The following GPATCH2 variants were observed in gnomAD, a reference collection of about 807,000 sequenced individuals.
GPATCH2 encodes the protein G-patch domain containing 2.
In GPATCH2, 51 loss-of-function variants were observed where a neutral mutation model predicts 58.0. That is an observed-to-expected ratio of 0.88 (90% CI 0.70 to 1.11). The LOEUF is 1.11. Ranked by LOEUF, GPATCH2 falls within the 50% of genes most tolerant of loss-of-function variation. The pLI is 0.00. For missense variants in GPATCH2, 625 were observed against 652.2 expected, an observed-to-expected ratio of 0.96 and a Z score of 0.45; for synonymous variants, 222 against 218.5, an observed-to-expected ratio of 1.02 and a Z score of -0.14.
At chr1:217,521,193 T>A (rs993763296) in intron 5 of GPATCH2, among the ~76,000 whole-genome samples, 11 of 152,156 alleles carry the variant, frequency 7.2e-5, no homozygotes, top group African/African-American at 2.4e-4. Context: ...TCATAAACAA[T>A]GTGCCTAGAG....
At chr1:217,563,981 T>C (rs572203823) in intron 5 of GPATCH2, among the ~76,000 whole-genome samples, 4 of 128,408 alleles carry the variant, frequency 3.1e-5, no homozygotes, top group Non-Finnish European at 4.6e-5. Flanking sequence ...GAGGCGGAGA[T>C]AGTGGTGAGC....
chr1:217,614,067 A>C, intron 3 of GPATCH2, 74 bp downstream of exon 3: 1 of 841,012 alleles, frequency 1.2e-6, no homozygotes, highest in Non-Finnish European at 2.1e-6. Context: ...TCAACTTATG[A>C]AATAACCAGT....
intron 8 of GPATCH2, among the ~76,000 whole-genome samples, chr1:217,484,350 G>A (rs543537470): frequency 7.4e-4 from 112 of 151,900 alleles, no homozygotes; most frequent in Non-Finnish European, 1.2e-3. Flanking sequence ...TAAAAAATTG[G>A]CTTTTCTTGG....
At chr1:217,587,541 G>C (rs1032368465) in intron 5 of GPATCH2, among the ~76,000 whole-genome samples, 7 of 152,220 alleles carry the variant, frequency 4.6e-5, no homozygotes, top group Non-Finnish European at 1.5e-5. Context: ...ACCCAAACCA[G>C]GCCAATGAAC....
intron 8 of GPATCH2, among the ~76,000 whole-genome samples, chr1:217,455,629 T>C (rs566496010): frequency 1.3e-5 from 2 of 152,228 alleles, no homozygotes; most frequent in Admixed American, 1.3e-4. Flanking sequence ...GTTTATTGTG[T>C]TTCCTATGTG....
At chr1:217,590,267 C>T (rs1056569204) in intron 5 of GPATCH2, among the ~76,000 whole-genome samples, 7 of 152,078 alleles carry the variant, frequency 4.6e-5, no homozygotes, top group South Asian at 4.1e-4. Flanking sequence ...AGTGATCCAC[C>T]CGCCTCAGCC....
chr1:217,502,049 G>T (rs911321339), intron 6 of GPATCH2, among the ~76,000 whole-genome samples: 1 of 151,656 alleles, frequency 6.6e-6, no homozygotes, highest in African/African-American at 2.4e-5. Flanking sequence ...AGCTATTTTT[G>T]GGGGTCTCTA....
At chr1:217,468,568 GAA>G (rs1177622220) in intron 8 of GPATCH2, among the ~76,000 whole-genome samples, 3 of 149,098 alleles carry the variant, frequency 2.0e-5, no homozygotes, top group South Asian at 2.1e-4. Context: ...CACACAGAGA[GAA>G]AGAGAAAGAG....
intron 5 of GPATCH2, among the ~76,000 whole-genome samples, chr1:217,524,697 C>A (rs927286185): frequency 2.0e-5 from 3 of 151,036 alleles, no homozygotes; most frequent in Admixed American, 6.6e-5. Flanking sequence ...CGTCTCCACC[C>A]AAAAAATACG....
At chr1:217,614,227 C>G (rs1331406327) in intron 2 of GPATCH2, 25 bp from the exon 3 acceptor site, 13 of 1,416,164 alleles carry the variant, frequency 9.2e-6, no homozygotes, top group Non-Finnish European at 1.3e-5. Flanking sequence ...AAGAAAGAAA[C>G]AGATCAAAAG....
At chr1:217,597,536 TA>T (rs1055068146) in intron 5 of GPATCH2, among the ~76,000 whole-genome samples, 4 of 152,024 alleles carry the variant, frequency 2.6e-5, no homozygotes, top group African/African-American at 9.7e-5. Context: ...AATTCATGGA[TA>T]GTCTATTTTT....
At chr1:217,566,648 T>C (rs1297832807) in intron 5 of GPATCH2, among the ~76,000 whole-genome samples, 1 of 152,242 alleles carries the variant, frequency 6.6e-6, no homozygotes, top group Non-Finnish European at 1.5e-5. Flanking sequence ...TCCTTCATTA[T>C]TCTTCTAACC....
intron 8 of GPATCH2, among the ~76,000 whole-genome samples, chr1:217,451,859 T>C (rs897237118): frequency 1.3e-5 from 2 of 152,230 alleles, no homozygotes; most frequent in Admixed American, 1.3e-4. Flanking sequence ...TGATCCTCTG[T>C]TAAAACATAA....
chr1:217,492,071 A>G (rs1215802886), intron 7 of GPATCH2, among the ~76,000 whole-genome samples: 3 of 152,080 alleles, frequency 2.0e-5, no homozygotes, highest in Non-Finnish European at 2.9e-5. Context: ...TAGCCTGGAG[A>G]TGGAAGCCTA....
intron 5 of GPATCH2, among the ~76,000 whole-genome samples, chr1:217,550,089 A>G (rs760394584): frequency 9.2e-5 from 14 of 152,110 alleles, no homozygotes; most frequent in Non-Finnish European, 1.9e-4. Context: ...ATTTTATCCC[A>G]CAGAATATAA....
chr1:217,549,199 A>T (rs748515398), intron 5 of GPATCH2, among the ~76,000 whole-genome samples: 4 of 152,214 alleles, frequency 2.6e-5, no homozygotes, highest in Non-Finnish European at 4.4e-5. Flanking sequence ...CTGAGAACAT[A>T]TTATGGGTTA....
chr1:217,541,135 G>A (rs1041184504), intron 5 of GPATCH2, among the ~76,000 whole-genome samples: 1 of 152,134 alleles, frequency 6.6e-6, no homozygotes, highest in African/African-American at 2.4e-5. Flanking sequence ...GTTTGGTTAA[G>A]GTCCGTGAGC....
chr1:217,514,653 T>C (rs2102582067), intron 6 of GPATCH2, among the ~76,000 whole-genome samples, 169 bp downstream of exon 6: 1 of 152,376 alleles, frequency 6.6e-6, no homozygotes, highest in Admixed American at 6.5e-5. Context: ...ATTTAAATTT[T>C]GTCATGGTTT....
At chr1:217,530,967 C>T (rs1028274574) in intron 5 of GPATCH2, among the ~76,000 whole-genome samples, 2 of 151,860 alleles carry the variant, frequency 1.3e-5, no homozygotes, top group East Asian at 3.9e-4. Flanking sequence ...CCTGAAGAGG[C>T]AGACCAGTTG....
Sources: gnomAD v4.1 joint callset for allele counts (sites outside exome capture counted in the v4.1 genomes callset) on GRCh38, gnomAD v4.1.1 for gene constraint, MANE v1.5 for transcripts, NCBI Gene and HGNC (gene_info 2026-07-23, HGNC 2026-07-21) for gene names.